The following NR3C1 variants were observed in gnomAD, a reference collection of about 807,000 sequenced individuals.
NR3C1 encodes the protein nuclear receptor subfamily 3 group C member 1.
Under a neutral mutation model 74.0 loss-of-function variants are expected in NR3C1, and 14 were observed. The observed-to-expected ratio is 0.19, with a 90% CI of 0.12 to 0.30. The LOEUF is 0.30. Among genes scored for constraint, NR3C1 ranks in the 10% least tolerant of loss-of-function variants. The probability of loss-of-function intolerance (pLI) is 1.00; values close to 1 mark genes in which losing one functional copy is unlikely to be tolerated. For synonymous variants in NR3C1, 308 were observed against 332.5 expected (o/e 0.93, Z 0.80); for missense variants, 695 against 909.8 (o/e 0.76, Z 3.04).
At chr5:143,362,527 T>C (rs1832464380) in intron 2 of NR3C1, among the ~76,000 whole-genome samples, 1 of 151,756 alleles carries the variant, frequency 6.6e-6, no homozygotes, top group Non-Finnish European at 1.5e-5. Context: ...CAGCCACCTA[T>C]TTTTTCGTAT....
chr5:143,402,716 C>G (rs955410080), intron 1 of NR3C1: 4 of 985,292 alleles, frequency 4.1e-6, no homozygotes, highest in Admixed American at 6.1e-5. Context: ...GCGCCCCGCA[C>G]GCCCTCCTCA....
rs186508647 is a variant in NR3C1 at position 143,307,710 on chromosome 5, A to T, written c.1468+2387T>A. The stretch of plus-strand genomic sequence containing the variant: ...GAGATAATTGGGACCGGAGAAAATA[A>T]ACCAAAGGGCACTAAAAACTCAAGT... On this transcript the variant is annotated intron_variant, in intron 4 of 8. Transcript: ENST00000394464. Among the ~76,000 whole-genome samples the T allele has an allele frequency of 1.5e-3, 231 of 152,328 alleles. 1 individual carries two copies. Among genetic ancestry groups the T allele is most frequent in the African/African-American group, 5.2e-3 (218 of 41,570 alleles).
chr5:143,310,345 G>C (rs1176674697), intron 3 of NR3C1, 132 bp from the exon 4 acceptor site: 2 of 698,104 alleles, frequency 2.9e-6, no homozygotes, highest in Non-Finnish European at 5.1e-6. Flanking sequence ...GAATGTTCTT[G>C]CCTACATTGC....
intron 3 of NR3C1, among the ~76,000 whole-genome samples, chr5:143,310,650 GTTTT>G: frequency 6.6e-6 from 1 of 151,984 alleles, no homozygotes; most frequent in African/African-American, 2.4e-5. Flanking sequence ...GATAGATTAT[GTTTT>G]TTTATTTTTA....
chr5:143,420,162 A>G (rs1383945585), intron 1 of NR3C1, among the ~76,000 whole-genome samples: 3 of 152,212 alleles, frequency 2.0e-5, no homozygotes, highest in Non-Finnish European at 2.9e-5. Context: ...CCCAGATTTC[A>G]TATTGTTCAA....
intron 2 of NR3C1, among the ~76,000 whole-genome samples, chr5:143,391,307 C>T (rs1838180161): frequency 6.6e-6 from 1 of 152,026 alleles, no homozygotes; most frequent in Non-Finnish European, 1.5e-5. Flanking sequence ...ACCATTTGAT[C>T]AATAAAGAAA....
chr5:143,369,401 C>T (rs1833859903), intron 2 of NR3C1, among the ~76,000 whole-genome samples: 1 of 152,140 alleles, frequency 6.6e-6, no homozygotes, highest in Non-Finnish European at 1.5e-5. Context: ...TATGAATGTT[C>T]TTAACAGCAT....
chr5:143,297,962 A>G (rs550848198), intron 6 of NR3C1, among the ~76,000 whole-genome samples: 17 of 152,288 alleles, frequency 1.1e-4, no homozygotes, highest in African/African-American at 4.1e-4. Flanking sequence ...CAATCTGTGT[A>G]CTGGGGAGAT....
chr5:143,326,757 G>A (rs1224524187), intron 2 of NR3C1, among the ~76,000 whole-genome samples: 4 of 152,102 alleles, frequency 2.6e-5, no homozygotes, highest in African/African-American at 2.4e-5. Flanking sequence ...GTTAATTTAA[G>A]TAAAATGAAC....
At chr5:143,297,112 G>C (rs1817474001) in intron 6 of NR3C1, among the ~76,000 whole-genome samples, 1 of 151,050 alleles carries the variant, frequency 6.6e-6, no homozygotes, top group Admixed American at 6.6e-5. Context: ...GAAAAAGGTG[G>C]AGGACTGCCC....
At chr5:143,372,303 C>T (rs1834368582) in intron 2 of NR3C1, among the ~76,000 whole-genome samples, 1 of 152,134 alleles carries the variant, frequency 6.6e-6, no homozygotes. Context: ...CACTCCTGCA[C>T]TTTGGGGCCA....
At position 143,300,547 on chromosome 5, in the gene NR3C1, G is replaced by A. The variant is rs761295829; in HGVS notation, c.1685C>T (p.Thr562Met). ...TTGCCGCCCTCCTAACATGTTGAGC[G>A]TAGTCATGATCCTCCAAGTTGAGTC... is the stretch of plus-strand genomic sequence containing the variant. ...VPDSTWRIMT[T>M]LNMLGGRQVI... The change falls in exon 5 of 9, where the codon ACG becomes ATG. Residue 562 changes from threonine (T) to methionine (M), a missense_variant. Coordinates refer to ENST00000394464, the MANE Select transcript of NR3C1 (RefSeq NM_000176.3). This position sits in a 1 kb window ranked among gnomAD's most constrained non-coding sequence, Gnocchi z 5.2. The A allele has an allele frequency of 3.7e-6, 6 of 1,613,982 alleles. No homozygotes were observed. Among genetic ancestry groups the A allele is most frequent in the African/African-American group, 1.3e-5 (1 of 74,898 alleles).
intron 3 of NR3C1, among the ~76,000 whole-genome samples, chr5:143,311,132 TATAA>T (rs1005464876): frequency 1.3e-5 from 2 of 152,230 alleles, no homozygotes; most frequent in African/African-American, 2.4e-5. Flanking sequence ...TTTTGTACTC[TATAA>T]ATATCCTAGC....
intron 6 of NR3C1, among the ~76,000 whole-genome samples, chr5:143,297,021 G>T (rs1014367758): frequency 6.9e-6 from 1 of 144,240 alleles, no homozygotes; most frequent in African/African-American, 2.6e-5. Context: ...AGGTTGCCAT[G>T]AGCCAAGATC....
chr5:143,316,434 CA>C (rs949020309), intron 2 of NR3C1, among the ~76,000 whole-genome samples: 1 of 152,102 alleles, frequency 6.6e-6, no homozygotes, highest in African/African-American at 2.4e-5. Flanking sequence ...CACACATATG[CA>C]TATATAGTAT....
chr5:143,344,515 T>C (rs895297557), intron 2 of NR3C1, among the ~76,000 whole-genome samples: 2 of 152,048 alleles, frequency 1.3e-5, no homozygotes, highest in Non-Finnish European at 2.9e-5. Flanking sequence ...AACTAGAAAA[T>C]AGCCATACGG....
intron 1 of NR3C1, among the ~76,000 whole-genome samples, chr5:143,414,174 C>T (rs555193398): frequency 2.6e-5 from 4 of 152,306 alleles, no homozygotes; most frequent in South Asian, 4.1e-4. Flanking sequence ...AATAGTATCT[C>T]CACTTAATTG....
At chr5:143,402,980 C>T (rs1251648373) in intron 1 of NR3C1, among the ~76,000 whole-genome samples, 7 of 151,776 alleles carry the variant, frequency 4.6e-5, no homozygotes, top group Non-Finnish European at 8.8e-5. Flanking sequence ...TCAGGTTCCT[C>T]CCCCTCGGCC....
At chr5:143,289,809 A>C (rs1000039401) in intron 7 of NR3C1, among the ~76,000 whole-genome samples, 2 of 152,218 alleles carry the variant, frequency 1.3e-5, no homozygotes, top group Non-Finnish European at 2.9e-5. Context: ...AGAGGCTGAC[A>C]GTACCAAGTA....
Sources: gnomAD v4.1 joint callset for allele counts (sites outside exome capture counted in the v4.1 genomes callset) on GRCh38, gnomAD v4.1.1 for gene constraint, Gnocchi (gnomAD v3.1) non-coding constraint, MANE v1.5 for transcripts, NCBI Gene and HGNC (gene_info 2026-07-23, HGNC 2026-07-21) for gene names.